QSER1: variants seen among roughly 807,000 people sequenced by gnomAD.
The protein encoded by QSER1 is glutamine and serine rich 1.
In QSER1, 49 loss-of-function variants were observed where a neutral mutation model predicts 158.5. That is an observed-to-expected ratio of 0.31 (90% confidence interval 0.25 to 0.39). The LOEUF is 0.39. QSER1 is among the 10% of genes least tolerant of loss of function. The pLI is 1.00. For synonymous variants in QSER1, 650 were observed against 715.5 expected (o/e 0.91, Z 1.46); for missense variants, 1,754 against 2,010.3 (o/e 0.87, Z 2.44).
At position 32,955,853 on chromosome 11, in the gene QSER1, A is replaced by G. The variant is rs559811820; in HGVS notation, c.4618-135A>G. 3.8e-4 allele frequency: 261 copies of G among 695,192 alleles called. 4 individuals are homozygous for G. The highest frequency in any genetic ancestry group is 3.0e-3 in the Middle Eastern group (8 of 2,692). The allele number at this position is 695,192 out of a possible 1,614,324, so 43.1% of individuals were successfully genotyped here. A position where few individuals can be genotyped will look rare whatever the true frequency, so the allele number is the denominator to read the frequency against. ...ATAATGAGCCTGGGATCAGTTTTTG[A>G]GGGTAAAATTAGCCTGGCCAGAGCT... is the stretch of plus-strand genomic sequence containing the variant. On this transcript the variant is annotated intron_variant, in intron 6 of 12. Coordinates refer to ENST00000650167, the MANE Select transcript of QSER1 (RefSeq NM_001076786.3).
intron 10 of QSER1, among the ~76,000 whole-genome samples, chr11:32,970,126 G>A (rs1852824927): frequency 6.6e-6 from 1 of 152,108 alleles, no homozygotes; most frequent in South Asian, 2.1e-4. Context: ...ATCTACCTTA[G>A]GGAACATTTT....
In QSER1 at chr11:32,977,250, C is replaced by T. The variant is rs796582557; in HGVS notation, c.*776C>T. On this transcript the variant is annotated 3_prime_UTR_variant, in exon 13 of 13. Coordinates refer to ENST00000650167, the MANE Select transcript of QSER1 (RefSeq NM_001076786.3). Reference sequence around the variant, plus strand: ...AAGGAAAATGTTGTGGTTATAATTACGTTTGATATATCTCTACAACACCTT... The same window carrying T: ...AAGGAAAATGTTGTGGTTATAATTATGTTTGATATATCTCTACAACACCTT... 5 of 152,476 alleles carry T rather than the reference C, an allele frequency of 3.3e-5. No homozygotes were observed. The highest frequency in any genetic ancestry group is 9.7e-5 in the African/African-American group (4 of 41,420). 9.4% of individuals were successfully genotyped at this position (152,476 alleles called of 1,614,324 possible).
At chr11:32,924,508 C>T (rs1354247933) in intron 1 of QSER1, among the ~76,000 whole-genome samples, 1 of 145,542 alleles carries the variant, frequency 6.9e-6, no homozygotes, top group Non-Finnish European at 1.5e-5. Context: ...TGTAGTGAGC[C>T]GTGATCATGC....
chr11:32,900,960 C>T lies in QSER1; in HGVS notation c.209+7626C>T, dbSNP rs181144498. Among the ~76,000 whole-genome samples, 37 of 152,302 alleles carry T rather than the reference C, an allele frequency of 2.4e-4. No homozygotes were observed. The East Asian group carries it at 6.6e-3, about 27-fold the overall frequency. ...ATTTATATGTATCGTTTATTACCAC[C>T]CTTTCCCGATACCACTAACCATCAC... On this transcript the variant is annotated intron_variant, in intron 1 of 12. Coordinates refer to ENST00000650167, the MANE Select transcript of QSER1 (RefSeq NM_001076786.3).
At chr11:32,945,926 T>C (rs1467019321) in intron 4 of QSER1, among the ~76,000 whole-genome samples, 1 of 150,810 alleles carries the variant, frequency 6.6e-6, no homozygotes, top group Non-Finnish European at 1.5e-5. Context: ...CTTGGAGGCT[T>C]TGCTCGTTTC....
intron 1 of QSER1, among the ~76,000 whole-genome samples, chr11:32,906,004 T>C (rs921835015): frequency 6.6e-6 from 1 of 152,162 alleles, no homozygotes; most frequent in African/African-American, 2.4e-5. Context: ...TCATTATAAT[T>C]TCTTCCTTTA....
At chr11:32,911,926 T>A (rs1370849752) in intron 1 of QSER1, among the ~76,000 whole-genome samples, 3 of 152,182 alleles carry the variant, frequency 2.0e-5, no homozygotes, top group African/African-American at 7.2e-5. Context: ...GGTACTTCAG[T>A]TGAGTTGCAA....
intron 10 of QSER1, among the ~76,000 whole-genome samples, chr11:32,972,288 A>T (rs1216698738): frequency 6.6e-6 from 1 of 152,148 alleles, no homozygotes; most frequent in African/African-American, 2.4e-5. Context: ...TTTAATTTTT[A>T]TAAAGTCATA....
At chr11:32,906,579 T>G (rs1048374834) in intron 1 of QSER1, among the ~76,000 whole-genome samples, 5 of 151,992 alleles carry the variant, frequency 3.3e-5, no homozygotes, top group Admixed American at 6.6e-5. Context: ...CGGGTATATT[T>G]TTGTTTTTGT....
intron 4 of QSER1, among the ~76,000 whole-genome samples, chr11:32,941,368 T>A (rs1456899464): frequency 7.1e-6 from 1 of 140,204 alleles, no homozygotes; most frequent in Non-Finnish European, 1.6e-5. Context: ...TATCTCCCAA[T>A]GCTATCCCTC....
At chr11:32,924,199 C>T (rs1851936409) in intron 1 of QSER1, among the ~76,000 whole-genome samples, 1 of 151,420 alleles carries the variant, frequency 6.6e-6, no homozygotes, top group South Asian at 2.1e-4. Context: ...TCTTAGGACA[C>T]CAAAAGCACA....
At chr11:32,941,212 T>TTTATTATTA (rs144498391) in intron 4 of QSER1, among the ~76,000 whole-genome samples, 39 of 146,446 alleles carry the variant, frequency 2.7e-4, no homozygotes, top group Non-Finnish European at 4.7e-4. Context: ...AGTTTTTGTT[T>TTTATTATTA]TTATTATTAT....
rs1022586 is a variant in QSER1, at chr11:32,932,798, G to A, written c.1540G>A (p.Val514Ile). The A allele has an allele frequency of 1, 1,606,299 of 1,614,020 alleles. 799,583 individuals are homozygous for A. The highest frequency in any genetic ancestry group is 1 in the East Asian group (44,883 of 44,886). ...TLTFSGSSQT[V>I]TPENQTLNYS... ...GACTTTTTCTGGGTCATCTCAGACT[G>A]TAACTCCTGAAAATCAGACGCTTAA... is the stretch of plus-strand genomic sequence containing the variant. The change falls in exon 4 of 13, where the codon GTA (valine) becomes ATA (isoleucine). Residue 514 changes from valine (V) to isoleucine (I), a missense_variant. Coordinates refer to ENST00000650167, the MANE Select transcript of QSER1 (RefSeq NM_001076786.3).
intron 1 of QSER1, among the ~76,000 whole-genome samples, chr11:32,908,274 C>T (rs1208720113): frequency 6.6e-6 from 1 of 152,150 alleles, no homozygotes; most frequent in East Asian, 1.9e-4. Context: ...GCCTTGGTGG[C>T]TCTTGTTATC....
intron 10 of QSER1, among the ~76,000 whole-genome samples, chr11:32,971,614 A>C (rs1040285771): frequency 1.8e-4 from 27 of 152,218 alleles, no homozygotes; most frequent in Non-Finnish European, 3.2e-4. Context: ...AGTACATGAT[A>C]AGTGCACAAA....
rs1852994179 is a variant in QSER1 at position 32,977,258 on chromosome 11, A to T, written c.*784A>T. 6.6e-6 allele frequency: 1 copy of T among 152,626 alleles called. No homozygotes were observed. Among genetic ancestry groups the T allele is most frequent in the African/African-American group, 2.4e-5 (1 of 41,466 alleles). 9.5% of individuals were successfully genotyped at this position (152,626 alleles called of 1,614,324 possible). On this transcript the variant is annotated 3_prime_UTR_variant, in exon 13 of 13. Coordinates refer to ENST00000650167, the MANE Select transcript of QSER1 (RefSeq NM_001076786.3). ...TGTTGTGGTTATAATTACGTTTGAT[A>T]TATCTCTACAACACCTTTTGTTATT...
intron 4 of QSER1, among the ~76,000 whole-genome samples, chr11:32,948,912 T>G (rs1363246864): frequency 6.6e-6 from 1 of 152,144 alleles, no homozygotes; most frequent in African/African-American, 2.4e-5. Context: ...TTTGGTGAAA[T>G]ATTTCTTTTC....
chr11:32,900,074 A>C (rs76507358), intron 1 of QSER1, among the ~76,000 whole-genome samples: 3,754 of 152,232 alleles, frequency 0.025, 142 homozygotes, highest in African/African-American at 0.084. Context: ...GTCCCTCAGC[A>C]AATCCTGTTG....
At position 32,932,575 on chromosome 11, in the gene QSER1, C is replaced by G; in HGVS notation, c.1317C>G (p.Ser439=). Residue 439 remains serine, a synonymous_variant, in exon 4 of 13, where the codon TCC becomes TCG. Coordinates refer to ENST00000650167, the MANE Select transcript of QSER1 (RefSeq NM_001076786.3). ...IIPPVQTLSY[S]KPLHNQSSVI... ...CTCCTGTGCAAACACTAAGCTATTC[C>G]AAACCTTTACATAATCAGAGTTCTG... 6.2e-7 allele frequency: 1 copy of G among 1,614,122 alleles called. No individual in the cohort carries two copies. Among genetic ancestry groups the G allele is most frequent in the Admixed American group, 1.7e-5 (1 of 60,012 alleles).
Sources: gnomAD v4.1 joint callset for allele counts (sites outside exome capture counted in the v4.1 genomes callset) on GRCh38, gnomAD v4.1.1 for gene constraint, MANE v1.5 for transcripts, NCBI Gene and HGNC (gene_info 2026-07-23, HGNC 2026-07-21) for gene names.